KCNAB2: variants seen among roughly 807,000 people sequenced by gnomAD.
KCNAB2 encodes the protein voltage-gated potassium channel subunit beta-2.
A neutral mutation model predicts 63.6 loss-of-function variants in KCNAB2; 29 were observed. The observed-to-expected ratio is 0.46, with a 90% CI of 0.34 to 0.62. KCNAB2 has a LOEUF of 0.62. Among genes scored for constraint, KCNAB2 ranks in the 20% least tolerant of loss-of-function variants. KCNAB2 has a pLI of 0.01. For synonymous variants in KCNAB2, 222 were observed against 224.2 expected (o/e 0.99, Z 0.09); for missense variants, 359 against 563.9 (o/e 0.64, Z 3.68).
chr1:6,030,285 C>T (rs190555407), upstream of KCNAB2, among the ~76,000 whole-genome samples: 5 of 152,308 alleles, frequency 3.3e-5, no homozygotes, highest in Admixed American at 3.3e-4. Context: ...GGTGGGGTGG[C>T]TCTTGCATAT....
intron 5 of KCNAB2, 66 bp from the exon 6 acceptor site, chr1:6,085,138 C>T (rs932321728): frequency 3.9e-6 from 6 of 1,557,338 alleles, no homozygotes; most frequent in East Asian, 2.2e-5. Flanking sequence ...TGGCCAGTGG[C>T]CACAGTGGGT....
intron 1 of KCNAB2, among the ~76,000 whole-genome samples, chr1:6,014,636 A>G (rs1295176462): frequency 7.9e-5 from 12 of 152,210 alleles, no homozygotes; most frequent in Non-Finnish European, 1.5e-5. Context: ...GGATGCCTTG[A>G]TGGTGTTTAC....
chr1:6,023,939 A>AT (rs5772216), intron 1 of KCNAB2, among the ~76,000 whole-genome samples: 162 of 141,416 alleles, frequency 1.1e-3, no homozygotes, highest in East Asian at 2.1e-3. Flanking sequence ...TGAATGACTA[A>AT]TTTTTTTTTT....
Position 6,054,163 on chromosome 1 carries a change from C to T in KCNAB2, c.218+2409C>T, listed in dbSNP as rs573895059. Among the ~76,000 whole-genome samples, 19 of 152,042 alleles carry T rather than the reference C, an allele frequency of 1.2e-4. No individual in the cohort carries two copies. The South Asian group carries it at 2.3e-3, about 18-fold the overall frequency. On this transcript the variant is annotated intron_variant, in intron 2 of 15. Coordinates refer to ENST00000378083, the MANE Select transcript of KCNAB2 (RefSeq NM_001199862.2). ...AGACTAGAATGGACCCTAATTCCTA[C>T]GACTGGTGTCCTTATAAGAAGGCCA...
intron 7 of KCNAB2, 103 bp from the exon 8 acceptor site, chr1:6,088,905 T>C (rs745811164): frequency 9.0e-7 from 1 of 1,114,514 alleles, no homozygotes; most frequent in South Asian, 1.3e-5. Context: ...CGGCATTTGC[T>C]GACCCTGTTT....
intron 2 of KCNAB2, among the ~76,000 whole-genome samples, chr1:6,053,767 C>G (rs560667568): frequency 1.3e-5 from 2 of 152,290 alleles, no homozygotes; most frequent in Admixed American, 1.3e-4. Context: ...CCCCAAAATT[C>G]ACATTCATCC....
intron 15 of KCNAB2, chr1:6,097,679 G>C: frequency 3.5e-6 from 2 of 563,426 alleles, no homozygotes; most frequent in Non-Finnish European, 3.2e-6. Context: ...AGGTGGGCTT[G>C]TTGAGAAGGT....
chr1:6,035,390 G>A lies in KCNAB2; in HGVS notation c.-53+596G>A, dbSNP rs530952918. 2.3e-4 allele frequency among the ~76,000 whole-genome samples: 35 copies of A among 152,290 alleles called. No individual in the cohort carries two copies. The highest frequency in any genetic ancestry group is 8.2e-4 in the African/African-American group (34 of 41,548). On this transcript the variant is annotated intron_variant, in intron 1 of 15. Transcript: ENST00000164247. This position sits in a 1 kb window ranked among gnomAD's most constrained non-coding sequence, Gnocchi z 5.0. ...GTTCTGGGAGGATCACCCTGGCCGC[G>A]TAGAGTCTGCCGGCGGGGGTGGAGG...
chr1:6,061,346 G>A (rs966117985), intron 2 of KCNAB2, among the ~76,000 whole-genome samples: 10 of 152,034 alleles, frequency 6.6e-5, no homozygotes, highest in African/African-American at 2.4e-4. Flanking sequence ...GCTCACGCCT[G>A]TAACCCCAGC....
rs557341681 is a variant in KCNAB2, at chr1:6,078,688, T to C, written c.301-3507T>C. On this transcript the variant is annotated intron_variant, in intron 4 of 15. Coordinates refer to ENST00000378083, the MANE Select transcript of KCNAB2 (RefSeq NM_001199862.2). This position sits in a 1 kb window ranked among gnomAD's most constrained non-coding sequence, Gnocchi z 4.2. ...TGGAGGGCTTTTGCATGGAGGAAATTTGACCTGATTTAAAAGGTCTGCCAA... is the reference window on the plus strand; with the variant it reads ...TGGAGGGCTTTTGCATGGAGGAAATCTGACCTGATTTAAAAGGTCTGCCAA... Among the ~76,000 whole-genome samples the C allele has an allele frequency of 6.6e-6, 1 of 152,286 alleles. No homozygotes were observed. The highest frequency in any genetic ancestry group is 2.1e-4 in the South Asian group (1 of 4,818).
chr1:6,091,265 G>T lies in KCNAB2; in HGVS notation c.604G>T (p.Asp202Tyr). 6.5e-7 allele frequency: 1 copy of T among 1,532,800 alleles called. No individual in the cohort carries two copies. Among genetic ancestry groups the T allele is most frequent in the Non-Finnish European group, 8.7e-7 (1 of 1,143,948 alleles). 94.9% of individuals were successfully genotyped at this position (1,532,800 alleles called of 1,614,324 possible). The change falls in exon 10 of 16, where the codon GAC becomes TAC. Residue 202 changes from aspartate (D) to tyrosine (Y), a missense_variant and splice_region_variant. By Grantham distance (160) the Asp-to-Tyr change is radical. This residue lies in a region of KCNAB2 where 271 missense variants were observed against 476.1 expected (regional missense o/e 0.57). Coordinates refer to ENST00000378083, the MANE Select transcript of KCNAB2 (RefSeq NM_001199862.2). ...TTAAATCTTTCTTCTATCACCAGGG[G>T]ACCCATTTAGTTCCTCCAAGTCAAG... is the stretch of plus-strand genomic sequence containing the variant. ...RPDPNTPMEGDPFSSSKSRTF... is the reference protein window; with the variant it reads ...RPDPNTPMEGYPFSSSKSRTF...
chr1:6,023,078 C>G (rs1016630621), intron 1 of KCNAB2, among the ~76,000 whole-genome samples: 3 of 152,112 alleles, frequency 2.0e-5, no homozygotes, highest in African/African-American at 7.2e-5. Flanking sequence ...GACGGGGTTT[C>G]GCCATGTTGG....
intron 2 of KCNAB2, among the ~76,000 whole-genome samples, chr1:6,063,409 AT>A (rs34378538): frequency 0.071 from 9,778 of 137,598 alleles, 284 homozygotes; most frequent in African/African-American, 0.098. Context: ...TGTGCCAGTA[AT>A]TTTTTTTTTT....
intron 2 of KCNAB2, among the ~76,000 whole-genome samples, chr1:6,056,976 G>A (rs1661885195): frequency 6.6e-6 from 1 of 151,920 alleles, no homozygotes; most frequent in African/African-American, 2.4e-5. Flanking sequence ...TTGCCCATCT[G>A]CACTGCTTTG....
upstream of KCNAB2, chr1:6,041,941 C>G (rs1235603872): frequency 1.4e-6 from 2 of 1,404,900 alleles, no homozygotes; most frequent in East Asian, 4.6e-5. Context: ...AGGACTGCAC[C>G]CTTGCCGAGC....
chr1:6,065,514 C>T (rs566573723), intron 2 of KCNAB2, among the ~76,000 whole-genome samples: 1 of 152,196 alleles, frequency 6.6e-6, no homozygotes, highest in Non-Finnish European at 1.5e-5. Context: ...CTCCCCAAGA[C>T]CCCCTGAGCT....
chr1:6,010,335 C>T (rs1443865455), intron 1 of KCNAB2, among the ~76,000 whole-genome samples: 1 of 152,214 alleles, frequency 6.6e-6, no homozygotes, highest in Admixed American at 6.5e-5. Flanking sequence ...TGGCTCACAC[C>T]TGTAGTCCCA....
chr1:6,051,728 C>T lies in KCNAB2; in HGVS notation c.192C>T (p.Thr64=), dbSNP rs1022985862. The part of the protein sequence containing the change: ...RMHGLSLDGC[T]AQRTGMKYRN... ...ACGGCCTTTCCCTGGACGGCTGCACCGCCCAGCGCACAGGCATGAAGTATC... is the reference window on the plus strand; with the variant it reads ...ACGGCCTTTCCCTGGACGGCTGCACTGCCCAGCGCACAGGCATGAAGTATC... Residue 64 remains threonine, a synonymous_variant, in exon 2 of 16, where the codon ACC becomes ACT. Coordinates refer to ENST00000378083, the MANE Select transcript of KCNAB2 (RefSeq NM_001199862.2). The T allele has an allele frequency of 2.1e-5, 32 of 1,533,414 alleles. No individual in the cohort carries two copies. The highest frequency in any genetic ancestry group is 9.8e-5 in the East Asian group (4 of 40,908). The allele number at this position is 1,533,414 out of a possible 1,614,324, so 95.0% of individuals were successfully genotyped here.
chr1:6,072,118 G>T (rs1663256272), intron 2 of KCNAB2, among the ~76,000 whole-genome samples: 1 of 152,244 alleles, frequency 6.6e-6, no homozygotes, highest in African/African-American at 2.4e-5. Flanking sequence ...AGGTGCCTCA[G>T]TGGCCCCGGG....
Sources: allele counts gnomAD v4.1 joint callset (sites outside exome capture counted in the v4.1 genomes callset), GRCh38; gene constraint gnomAD v4.1.1; regional missense constraint gnomAD v4.1.1; non-coding constraint Gnocchi (gnomAD v3.1); transcripts MANE v1.5; gene names NCBI Gene and HGNC (gene_info 2026-07-23, HGNC 2026-07-21).